The following BANK1 variants were observed in gnomAD, a reference collection of about 807,000 sequenced individuals.
BANK1 encodes the protein B cell scaffold protein with ankyrin repeats 1.
Under a neutral mutation model 94.5 loss-of-function variants are expected in BANK1, and 95 were observed. The ratio of observed to expected loss-of-function variants is 1.00; its 90% CI spans 0.85 to 1.19. The LOEUF (loss-of-function observed/expected upper bound fraction) is 1.19. Ranked by LOEUF, BANK1 falls within the 50% of genes most tolerant of loss-of-function variation. The probability of loss-of-function intolerance (pLI) is 0.00; values close to 1 mark genes in which losing one functional copy is unlikely to be tolerated. For synonymous variants in BANK1, 334 were observed against 308.4 expected (o/e 1.08, Z -0.87); for missense variants, 987 against 932.2 (o/e 1.06, Z -0.77).
intron 7 of BANK1, among the ~76,000 whole-genome samples, chr4:101,936,255 A>G (rs1344381975): frequency 1.3e-5 from 2 of 150,092 alleles, no homozygotes; most frequent in South Asian, 2.1e-4. Context: ...TATATGACAC[A>G]CATACATGTA....
intron 1 of BANK1, among the ~76,000 whole-genome samples, chr4:101,813,573 A>G (rs977038598): frequency 6.6e-6 from 1 of 152,224 alleles, no homozygotes; most frequent in Non-Finnish European, 1.5e-5. Context: ...TCAAGTGCCC[A>G]AAAGTGGTTC....
intron 3 of BANK1, among the ~76,000 whole-genome samples, chr4:101,857,961 A>G (rs1490954965): frequency 1.3e-5 from 2 of 152,118 alleles, no homozygotes; most frequent in African/African-American, 2.4e-5. Flanking sequence ...GTGTGGGTCA[A>G]TTGACCATGA....
At chr4:101,855,600 C>G (rs939863974) in intron 3 of BANK1, among the ~76,000 whole-genome samples, 4 of 152,154 alleles carry the variant, frequency 2.6e-5, no homozygotes, top group African/African-American at 7.2e-5. Context: ...TCAACTGTGA[C>G]TTCACATTTT....
At chr4:102,013,027 A>G (rs1179389621) in intron 7 of BANK1, among the ~76,000 whole-genome samples, 1 of 152,116 alleles carries the variant, frequency 6.6e-6, no homozygotes, top group African/African-American at 2.4e-5. Context: ...CTGTGGACAT[A>G]GTGTTACTTT....
intron 10 of BANK1, among the ~76,000 whole-genome samples, chr4:102,041,402 T>C (rs1727697558): frequency 6.6e-6 from 1 of 152,020 alleles, no homozygotes. Context: ...ATAAGATAGG[T>C]CTTTTCCCAA....
intron 6 of BANK1, among the ~76,000 whole-genome samples, chr4:101,911,198 G>T (rs1166957732): frequency 6.6e-6 from 1 of 152,150 alleles, no homozygotes; most frequent in Non-Finnish European, 1.5e-5. Flanking sequence ...GTCCCCAGAC[G>T]ACTGTGCCTC....
chr4:101,799,768 G>GA (rs1418916553), intron 1 of BANK1, among the ~76,000 whole-genome samples: 9 of 152,134 alleles, frequency 5.9e-5, no homozygotes, highest in Admixed American at 5.9e-4. Flanking sequence ...CAGCTACTTG[G>GA]GAGGCTGAGG....
rs1210870400 is a variant in BANK1, at chr4:101,923,113, G to A, written c.1206+4924G>A. 5.3e-5 allele frequency among the ~76,000 whole-genome samples: 8 copies of A among 151,844 alleles called. No individual in the cohort carries two copies. In the East Asian group the frequency reaches 1.6e-3, roughly 30 times the overall value. On this transcript the variant is annotated intron_variant, in intron 7 of 16. Coordinates refer to ENST00000322953, the MANE Select transcript of BANK1 (RefSeq NM_017935.5). ...TTCCTCATAGAGCACTTTAGGATTT[G>A]ATGAAATGAATGTAAAATTATTAAA...
intron 3 of BANK1, among the ~76,000 whole-genome samples, chr4:101,857,113 A>G (rs1459652284): frequency 1.3e-5 from 2 of 152,156 alleles, no homozygotes; most frequent in East Asian, 1.9e-4. Flanking sequence ...TTTGAATTCA[A>G]ATTCATTTCT....
intron 7 of BANK1, among the ~76,000 whole-genome samples, chr4:101,993,046 C>A (rs1725762481): frequency 6.6e-6 from 1 of 152,134 alleles, no homozygotes; most frequent in Non-Finnish European, 1.5e-5. Context: ...GACAGCTAAT[C>A]CAGACCACTC....
At chr4:101,870,759 T>C in intron 5 of BANK1, 115 bp downstream of exon 5, 2 of 1,189,796 alleles carry the variant, frequency 1.7e-6, no homozygotes, top group Non-Finnish European at 2.3e-6. Flanking sequence ...AGTGAATTAC[T>C]ACCAATCAAT....
intron 7 of BANK1, among the ~76,000 whole-genome samples, chr4:101,969,287 G>A (rs1006815355): frequency 1.3e-5 from 2 of 151,984 alleles, no homozygotes; most frequent in African/African-American, 2.4e-5. Context: ...AAATACTTAA[G>A]GAGTTCATAC....
At chr4:101,872,105 G>T (rs531740470) in intron 5 of BANK1, among the ~76,000 whole-genome samples, 2 of 151,954 alleles carry the variant, frequency 1.3e-5, no homozygotes, top group African/African-American at 2.4e-5. Flanking sequence ...AAGCTCTGGC[G>T]GCCTGTAGAA....
intron 1 of BANK1, among the ~76,000 whole-genome samples, chr4:101,797,187 G>A (rs553001081): frequency 7.2e-5 from 11 of 152,088 alleles, no homozygotes; most frequent in African/African-American, 2.4e-4. Flanking sequence ...TTCAGTGACA[G>A]GAACAAATTA....
chr4:101,815,474 A>G (rs1578332848), intron 1 of BANK1, among the ~76,000 whole-genome samples: 1 of 152,222 alleles, frequency 6.6e-6, no homozygotes, highest in South Asian at 2.1e-4. Flanking sequence ...TACATTTATT[A>G]TTGGTTAAAA....
At chr4:101,940,980 A>G (rs1046118145) in intron 7 of BANK1, among the ~76,000 whole-genome samples, 3 of 151,750 alleles carry the variant, frequency 2.0e-5, no homozygotes, top group African/African-American at 4.8e-5. Flanking sequence ...CAAAGACTGT[A>G]AAGTATGTGG....
At position 101,974,165 on chromosome 4, in the gene BANK1, C is replaced by T. The variant is rs75673024; in HGVS notation, c.1207-47349C>T. Among the ~76,000 whole-genome samples, 708 of 152,060 alleles carry T rather than the reference C, an allele frequency of 4.7e-3. 12 individuals carry two copies. In the East Asian group the frequency reaches 0.056, roughly 12 times the overall value. ...TTTAAATACTTTCTCTGCTTCTTTT[C>T]CATGTAATAATCTTGTTTTATGTCA... On this transcript the variant is annotated intron_variant, in intron 7 of 16. Coordinates refer to ENST00000322953, the MANE Select transcript of BANK1 (RefSeq NM_017935.5).
rs556448389 is a variant in BANK1, at chr4:101,928,042, C to T, written c.1206+9853C>T. Among the ~76,000 whole-genome samples, 169 of 151,706 alleles carry T rather than the reference C, an allele frequency of 1.1e-3. 1 individual carries two copies. Among genetic ancestry groups the T allele is most frequent in the African/African-American group, 3.6e-3 (149 of 41,460 alleles). ...GATAATCAAATTTTTGATTTAACAA[C>T]ATGTGTATGTATATTTGTATGTGCA... On this transcript the variant is annotated intron_variant, in intron 7 of 16. Transcript: ENST00000322953.
chr4:101,958,526 T>G (rs1214887522), intron 7 of BANK1, among the ~76,000 whole-genome samples: 1 of 149,444 alleles, frequency 6.7e-6, no homozygotes, highest in Non-Finnish European at 1.5e-5. Flanking sequence ...GATGCCAGCT[T>G]GGCCCATCTG....
Sources: gnomAD v4.1 joint callset for allele counts (sites outside exome capture counted in the v4.1 genomes callset) on GRCh38, gnomAD v4.1.1 for gene constraint, MANE v1.5 for transcripts, NCBI Gene and HGNC (gene_info 2026-07-23, HGNC 2026-07-21) for gene names.